TDRKH: variants seen among roughly 807,000 people sequenced by gnomAD.
TDRKH encodes tudor and KH domain-containing protein.
In TDRKH, 28 loss-of-function variants were observed where a neutral mutation model predicts 61.3. The ratio of observed to expected loss-of-function variants is 0.46; its 90% CI spans 0.34 to 0.63. The LOEUF is 0.63. Among genes scored for constraint, TDRKH ranks in the 20% least tolerant of loss-of-function variants. The pLI is 0.01. For missense variants in TDRKH, 540 were observed against 683.4 expected (o/e 0.79, Z 2.34); for synonymous variants, 219 against 244.4 (o/e 0.90, Z 0.97).
At chr1:151,781,225 G>A (rs1479137019) in intron 3 of TDRKH, among the ~76,000 whole-genome samples, 2 of 150,780 alleles carry the variant, frequency 1.3e-5, no homozygotes, top group Non-Finnish European at 3.0e-5. Context: ...GCTGAGGCAG[G>A]AGAATCACTT....
intron 1 of TDRKH, among the ~76,000 whole-genome samples, chr1:151,788,736 C>T (rs942827080): frequency 1.3e-5 from 2 of 152,204 alleles, no homozygotes; most frequent in African/African-American, 2.4e-5. Flanking sequence ...AATCACACCT[C>T]TTTACAGAGG....
chr1:151,770,517 G>A, downstream of TDRKH: 1 of 424,580 alleles, frequency 2.4e-6, no homozygotes, highest in Non-Finnish European at 4.2e-6. Flanking sequence ...ATCCATTCAA[G>A]GGATGTGGCC....
chr1:151,781,431 A>G (rs1226162307), intron 3 of TDRKH, 50 bp downstream of exon 3: 1 of 1,534,178 alleles, frequency 6.5e-7, no homozygotes, highest in Non-Finnish European at 9.0e-7. Context: ...CAAGAAATCA[A>G]TAAACAGAAT....
rs776277715 is a variant in TDRKH at position 151,778,830 on chromosome 1, C to A, written c.738G>T (p.Pro246=). 6.2e-7 allele frequency: 1 copy of A among 1,614,148 alleles called. No homozygotes were observed. The highest frequency in any genetic ancestry group is 8.5e-7 in the Non-Finnish European group (1 of 1,180,030). The change falls in exon 6 of 13, where the codon CCG becomes CCT. Residue 246 remains proline (P), a synonymous_variant. Coordinates refer to ENST00000368824, the MANE Select transcript of TDRKH (RefSeq NM_001083965.2). ...LWKNTSSSME[P]TAPLVTPPPK... ...GTGGAGGAGTCACCAGGGGTGCAGTCGGCTCCATGCTAGAACTGGTGTTTT... is the reference window on the plus strand; with the variant it reads ...GTGGAGGAGTCACCAGGGGTGCAGTAGGCTCCATGCTAGAACTGGTGTTTT...
chr1:151,779,155 A>G lies in TDRKH; in HGVS notation c.509T>C (p.Leu170Pro). 2.5e-6 allele frequency: 4 copies of G among 1,614,214 alleles called. No homozygotes were observed. Among genetic ancestry groups the G allele is most frequent in the Non-Finnish European group, 3.4e-6 (4 of 1,180,036 alleles). Reference protein sequence around the residue: ...CDKESEGTLLLSRLIKISGTQ... With the variant: ...CDKESEGTLLPSRLIKISGTQ... ...TCCTGAGATTTTTATAAGTCTTGAT[A>G]GTAGTAATGTCCCTTCTGATTCTTT... Residue 170 changes from leucine (L) to proline (P), a missense_variant, in exon 5 of 13, where the codon CTA (leucine) becomes CCA (proline). By Grantham distance (98) the Leu-to-Pro change is moderately conservative (BLOSUM62 -3). Around this residue, in one of 3 missense-constraint regions of TDRKH, gnomAD observed 156 missense variants for 218.0 expected, o/e 0.72. Coordinates refer to ENST00000368824, the MANE Select transcript of TDRKH (RefSeq NM_001083965.2).
intron 2 of TDRKH, 79 bp from the exon 3 acceptor site, chr1:151,781,666 G>T: frequency 7.8e-7 from 1 of 1,280,210 alleles, no homozygotes; most frequent in Non-Finnish European, 1.1e-6. Flanking sequence ...CCCAGAATCT[G>T]GCTGTCAAAG....
intron 1 of TDRKH, among the ~76,000 whole-genome samples, chr1:151,785,812 A>C (rs747719098): frequency 2.6e-5 from 4 of 152,236 alleles, no homozygotes; most frequent in Non-Finnish European, 5.9e-5. Flanking sequence ...ATACTGGTAG[A>C]AAGTACTGTA....
rs1457992574 is a variant in TDRKH, at chr1:151,781,477, T to C, written c.231+4A>G. 1.2e-6 allele frequency: 2 copies of C among 1,612,866 alleles called. No individual in the cohort carries two copies. Among genetic ancestry groups the C allele is most frequent in the Non-Finnish European group, 1.7e-6 (2 of 1,179,348 alleles). ...GAAAGCAGACTGCCTACTCACACACTTACCTGTTTAATATTGGCTCCTTGC... is the reference window on the plus strand; with the variant it reads ...GAAAGCAGACTGCCTACTCACACACCTACCTGTTTAATATTGGCTCCTTGC... On this transcript the variant is annotated splice_donor_region_variant and intron_variant, in intron 3 of 12. Transcript: ENST00000368824.
downstream of TDRKH, chr1:151,770,247 G>C: frequency 1.2e-6 from 2 of 1,613,614 alleles, no homozygotes; most frequent in Non-Finnish European, 1.7e-6. Context: ...AGAATGATCG[G>C]AACGACAGAG....
downstream of TDRKH, among the ~76,000 whole-genome samples, chr1:151,772,506 C>G (rs944284386): frequency 6.6e-6 from 1 of 152,086 alleles, no homozygotes; most frequent in Non-Finnish European, 1.5e-5. Flanking sequence ...AAAAAAAGAC[C>G]TGTGTAAGGC....
In TDRKH at chr1:151,780,126, T is replaced by C; in HGVS notation, c.246A>G (p.Thr82=). Residue 82 remains threonine (T), a synonymous_variant, in exon 4 of 13, where the codon ACA becomes ACG. Transcript: ENST00000368824. ...CTGTGTCCACATCAATCCGAGCACC[T>C]GTCTGTTTCCGCAGCTGCAAAGAAA... ...GANIKQLRKQ[T]GARIDVDTED... is the part of the protein sequence containing the mutation. 1 of 1,611,280 alleles carries C rather than the reference T, an allele frequency of 6.2e-7. No homozygotes were observed. Among genetic ancestry groups the C allele is most frequent in the Non-Finnish European group, 8.5e-7 (1 of 1,177,600 alleles).
At chr1:151,784,800 A>C (rs1484611458) in intron 1 of TDRKH, among the ~76,000 whole-genome samples, 1 of 152,116 alleles carries the variant, frequency 6.6e-6, no homozygotes, top group Non-Finnish European at 1.5e-5. Context: ...CCAAATTAAT[A>C]GATCCATTTA....
At chr1:151,768,232 A>G, downstream of TDRKH, 1 of 1,609,352 alleles carries the variant, frequency 6.2e-7, no homozygotes, top group Non-Finnish European at 8.5e-7. Flanking sequence ...CAACCGGGAA[A>G]GGTGACTGAG....
At chr1:151,783,675 C>T (rs1274430437) in intron 1 of TDRKH, 1 of 152,316 alleles carries the variant, frequency 6.6e-6, no homozygotes, top group Non-Finnish European at 1.5e-5. Flanking sequence ...AAAACTCTTT[C>T]CTTGGTTTCT....
At chr1:151,785,378 C>T (rs1335459000) in intron 1 of TDRKH, among the ~76,000 whole-genome samples, 2 of 152,198 alleles carry the variant, frequency 1.3e-5, no homozygotes, top group Admixed American at 6.5e-5. Context: ...CTCTAAAACA[C>T]CATTATCTTT....
At chr1:151,780,536 G>A (rs975370313) in intron 3 of TDRKH, among the ~76,000 whole-genome samples, 1 of 152,152 alleles carries the variant, frequency 6.6e-6, no homozygotes, top group Non-Finnish European at 1.5e-5. Flanking sequence ...ATTAATGAGA[G>A]TTCATTAATT....
chr1:151,786,948 T>C (rs898207075), intron 1 of TDRKH, among the ~76,000 whole-genome samples: 3 of 152,228 alleles, frequency 2.0e-5, no homozygotes, highest in African/African-American at 7.2e-5. Context: ...TTTGTTTTCA[T>C]TTATGAGGTT....
chr1:151,787,778 C>T (rs1242972128), intron 1 of TDRKH, among the ~76,000 whole-genome samples: 1 of 130,796 alleles, frequency 7.6e-6, no homozygotes, highest in East Asian at 2.5e-4. Context: ...TCAAGACTAG[C>T]CTGGGCAACA....
chr1:151,785,532 T>TGA (rs1459932593), intron 1 of TDRKH, among the ~76,000 whole-genome samples: 1 of 152,240 alleles, frequency 6.6e-6, no homozygotes, highest in Admixed American at 6.5e-5. Flanking sequence ...GATAATGTGT[T>TGA]GAGTAGCTAC....
Sources: allele counts gnomAD v4.1 joint callset (sites outside exome capture counted in the v4.1 genomes callset), GRCh38; gene constraint gnomAD v4.1.1; regional missense constraint gnomAD v4.1.1; transcripts MANE v1.5; gene names NCBI Gene and HGNC (gene_info 2026-07-23, HGNC 2026-07-21).